Variants in CSMD3 observed in about 807,000 individuals in gnomAD.
CSMD3 encodes the protein CUB and sushi domain-containing protein 3.
Under a neutral mutation model 435.2 loss-of-function variants are expected in CSMD3, and 177 were observed. The ratio of observed to expected loss-of-function variants is 0.41; its 90% CI spans 0.36 to 0.46. The LOEUF (loss-of-function observed/expected upper bound fraction) is 0.46, where lower values mean the gene tolerates loss of function less well. Ranked by LOEUF, CSMD3 falls within the 20% of genes least tolerant of loss-of-function variation. CSMD3 has a pLI of 0.34. For synonymous variants in CSMD3, 1,656 were observed against 1,520.5 expected, an observed-to-expected ratio of 1.09 and a Z score of -2.07; for missense variants, 4,265 against 4,504.6, an observed-to-expected ratio of 0.95 and a Z score of 1.52.
intron 16 of CSMD3, among the ~76,000 whole-genome samples, chr8:112,679,246 A>T (rs912319615): frequency 1.3e-5 from 2 of 152,180 alleles, no homozygotes. Context: ...TACCTGAGTT[A>T]GTTATAGAGT....
chr8:113,037,840 G>T (rs2087427222), intron 5 of CSMD3, among the ~76,000 whole-genome samples: 1 of 152,030 alleles, frequency 6.6e-6, no homozygotes, highest in Non-Finnish European at 1.5e-5. Context: ...TAATTCTCCA[G>T]TCAAATCTGT....
chr8:113,227,609 G>C (rs749617753), intron 3 of CSMD3, among the ~76,000 whole-genome samples: 1 of 151,440 alleles, frequency 6.6e-6, no homozygotes, highest in Non-Finnish European at 1.5e-5. Context: ...GAGTTTTCTC[G>C]CGATAGTGAG....
At chr8:113,267,236 C>A (rs1300558252) in intron 3 of CSMD3, among the ~76,000 whole-genome samples, 3 of 151,458 alleles carry the variant, frequency 2.0e-5, no homozygotes, top group Non-Finnish European at 4.4e-5. Flanking sequence ...CACAGAAATT[C>A]CAGTACAGAA....
At chr8:113,370,362 C>A (rs184774360) in intron 1 of CSMD3, among the ~76,000 whole-genome samples, 2 of 151,046 alleles carry the variant, frequency 1.3e-5, no homozygotes, top group South Asian at 2.1e-4. Context: ...TATCTTCCAG[C>A]CTTTTACTTA....
chr8:112,740,844 G>T (rs917708414), intron 13 of CSMD3, among the ~76,000 whole-genome samples: 2 of 151,870 alleles, frequency 1.3e-5, no homozygotes, highest in African/African-American at 4.8e-5. Context: ...GCAAAAGTAA[G>T]AGCAACAGGT....
intron 66 of CSMD3, 105 bp from the exon 67 acceptor site, chr8:112,237,453 C>T (rs1813694016): frequency 3.6e-6 from 3 of 833,960 alleles, no homozygotes; most frequent in Admixed American, 2.0e-5. Flanking sequence ...TGCTAATACA[C>T]AATAATGTTG....
intron 24 of CSMD3, 131 bp downstream of exon 24, chr8:112,573,370 A>T: frequency 1.2e-6 from 1 of 855,928 alleles, no homozygotes; most frequent in Non-Finnish European, 1.9e-6. Flanking sequence ...GTCAAATAAA[A>T]TTATATATGT....
At chr8:112,288,018 G>A (rs72672881) in intron 57 of CSMD3, among the ~76,000 whole-genome samples, 28,630 of 145,056 alleles carry the variant, frequency 0.2, 3,138 homozygotes, top group Middle Eastern at 0.35. Context: ...GAGAGAGTGA[G>A]CGAGCTAGAG....
intron 1 of CSMD3, among the ~76,000 whole-genome samples, chr8:113,399,106 T>TATATATATATATATATATACACAC (rs773585004): frequency 1.1e-5 from 1 of 95,096 alleles, no homozygotes; most frequent in African/African-American, 4.5e-5. Context: ...TATATATATA[T>TATATATATATATATATATACACAC]ACACACACAC....
chr8:112,747,268 G>A (rs1290818174), intron 13 of CSMD3, among the ~76,000 whole-genome samples: 3 of 121,944 alleles, frequency 2.5e-5, no homozygotes, highest in East Asian at 2.7e-4. Context: ...CCCTGGTGAA[G>A]TTCAAATTTC....
At chr8:112,355,364 C>CAAAAATTGACAAG (rs1826495692) in intron 38 of CSMD3, among the ~76,000 whole-genome samples, 1 of 152,122 alleles carries the variant, frequency 6.6e-6, no homozygotes, top group Admixed American at 6.5e-5. Flanking sequence ...CCTAATTAAA[C>CAAAAATTGACAAG]TACAGAGTTT....
rs150930451 is a variant in CSMD3, at chr8:113,253,769, T to C, written c.514+24823A>G. On this transcript the variant is annotated intron_variant, in intron 3 of 70. Coordinates refer to ENST00000297405, the MANE Select transcript of CSMD3 (RefSeq NM_198123.2). ...CAGGAGAATCACTTGAACTAGGGAG[T>C]TGGAGGTTGCAGTGACCCGAGATCG... is the stretch of plus-strand genomic sequence containing the variant. Among the ~76,000 whole-genome samples the C allele has an allele frequency of 7.2e-3, 1,091 of 151,230 alleles. 16 individuals are homozygous for C. The highest frequency in any genetic ancestry group is 0.025 in the African/African-American group (1,020 of 41,236).
At chr8:112,316,813 A>G (rs896001471) in intron 47 of CSMD3, among the ~76,000 whole-genome samples, 3 of 151,956 alleles carry the variant, frequency 2.0e-5, no homozygotes, top group African/African-American at 7.2e-5. Flanking sequence ...AACTCTTTAC[A>G]GAAAACCATA....
chr8:112,411,122 CT>C (rs144741058), intron 32 of CSMD3, among the ~76,000 whole-genome samples: 65,488 of 136,404 alleles, frequency 0.48, 15,182 homozygotes, highest in Middle Eastern at 0.62. Flanking sequence ...AAAAATTCAT[CT>C]TTTTTTTTTT....
intron 13 of CSMD3, among the ~76,000 whole-genome samples, chr8:112,710,386 T>TA: frequency 6.6e-6 from 1 of 152,254 alleles, no homozygotes; most frequent in African/African-American, 2.4e-5. Context: ...GCAGATTGCC[T>TA]AAGATGCACA....
At chr8:113,235,941 C>T (rs1009335893) in intron 3 of CSMD3, among the ~76,000 whole-genome samples, 2 of 152,118 alleles carry the variant, frequency 1.3e-5, no homozygotes, top group Admixed American at 1.3e-4. Context: ...AGAACAAAAG[C>T]CCCTTATTCC....
At chr8:112,943,244 T>C (rs554388513) in intron 9 of CSMD3, among the ~76,000 whole-genome samples, 1 of 151,728 alleles carries the variant, frequency 6.6e-6, no homozygotes, top group African/African-American at 2.4e-5. Flanking sequence ...TTATTAGATA[T>C]GTAATTTGCA....
At chr8:112,870,946 T>A (rs913138256) in intron 10 of CSMD3, among the ~76,000 whole-genome samples, 1 of 152,326 alleles carries the variant, frequency 6.6e-6, no homozygotes, top group Admixed American at 6.5e-5. Flanking sequence ...TACTTACATA[T>A]TTTATTTCCA....
intron 38 of CSMD3, among the ~76,000 whole-genome samples, chr8:112,377,892 T>C (rs1019313811): frequency 1.3e-5 from 2 of 152,000 alleles, no homozygotes; most frequent in African/African-American, 4.8e-5. Flanking sequence ...ACTAACATCA[T>C]ACTCAATGGT....
Sources: gnomAD v4.1 joint callset for allele counts (sites outside exome capture counted in the v4.1 genomes callset) on GRCh38, gnomAD v4.1.1 for gene constraint, MANE v1.5 for transcripts, NCBI Gene and HGNC (gene_info 2026-07-23, HGNC 2026-07-21) for gene names.